KIRREL3: variants seen among roughly 807,000 people sequenced by gnomAD.
The protein encoded by KIRREL3 is kirre like nephrin family adhesion molecule 3.
KIRREL3 carries 36 observed loss-of-function variants against 89.7 expected under a neutral mutation model. The ratio of observed to expected loss-of-function variants is 0.40; its 90% confidence interval spans 0.31 to 0.53. The LOEUF is 0.53. KIRREL3 is among the 20% of genes least tolerant of loss of function. The pLI, the probability that KIRREL3 is intolerant of heterozygous loss-of-function variation, is 0.49. For synonymous variants in KIRREL3, 445 were observed against 441.4 expected (o/e 1.01, Z -0.10); for missense variants, 864 against 1,056.6 (o/e 0.82, Z 2.53).
rs1164128247 is a variant in KIRREL3 at position 126,544,160 on chromosome 11, C to A, written c.134-17473G>T. On this transcript the variant is annotated intron_variant, in intron 2 of 16. Transcript: ENST00000525144. The surrounding 1 kb of genome is among the most constrained non-coding windows in gnomAD (Gnocchi z 5.6). ...GAGAGAAGAGAGCAGCTTTCAACCC[C>A]CCTCTCCTAAACGCAACGATATTTG... The A allele has an allele frequency of 3.9e-5, 6 of 152,236 alleles. No individual in the cohort carries two copies. Among genetic ancestry groups the A allele is most frequent in the African/African-American group, 1.4e-4 (6 of 41,458 alleles). The allele number at this position is 152,236 out of a possible 1,614,324, so 9.4% of individuals were successfully genotyped here. A position where few individuals can be genotyped will look rare whatever the true frequency, so the allele number is the denominator to read the frequency against.
rs1456073817 is a variant in KIRREL3, at chr11:126,582,443, C to T, written c.56-19531G>A. On this transcript the variant is annotated intron_variant, in intron 1 of 16. Coordinates refer to ENST00000525144, the MANE Select transcript of KIRREL3 (RefSeq NM_032531.4). Reference sequence around the variant, plus strand: ...GCTGCCGGAAGCAATAATCCAGACACGGTTCGGGGGTTTAGTGGAAATCCT... The same window carrying T: ...GCTGCCGGAAGCAATAATCCAGACATGGTTCGGGGGTTTAGTGGAAATCCT... Among the ~76,000 whole-genome samples the T allele has an allele frequency of 3.3e-5, 5 of 152,194 alleles. No homozygotes were observed. The South Asian group carries it at 6.2e-4, about 19-fold the overall frequency.
intron 1 of KIRREL3, among the ~76,000 whole-genome samples, chr11:126,816,206 C>T (rs1377499316): frequency 2.6e-5 from 4 of 152,198 alleles, no homozygotes; most frequent in Admixed American, 6.5e-5. Flanking sequence ...GTAATTATCA[C>T]TAGTGCTACA....
rs1941936766 is a variant in KIRREL3, at chr11:126,587,748, T to C, written c.56-24836A>G. Among the ~76,000 whole-genome samples the C allele has an allele frequency of 6.6e-6, 1 of 152,250 alleles. No homozygotes were observed. Among genetic ancestry groups the C allele is most frequent in the Non-Finnish European group, 1.5e-5 (1 of 68,042 alleles). On this transcript the variant is annotated intron_variant, in intron 1 of 16. Transcript: ENST00000525144. This position sits in a 1 kb window ranked among gnomAD's most constrained non-coding sequence, Gnocchi z 5.2. ...GAAACCGCAGTACAATATATGTGAA[T>C]GATTAGGTTGTGTAATACATTCCAG...
chr11:126,810,446 A>G (rs1951344533), intron 1 of KIRREL3, among the ~76,000 whole-genome samples: 1 of 152,150 alleles, frequency 6.6e-6, no homozygotes, highest in African/African-American at 2.4e-5. Context: ...CTTTAAAAAT[A>G]TTTTATGTAA....
At chr11:126,713,638 T>G (rs1947846378) in intron 1 of KIRREL3, among the ~76,000 whole-genome samples, 1 of 152,182 alleles carries the variant, frequency 6.6e-6, no homozygotes, top group African/African-American at 2.4e-5. Context: ...GTGTACATTC[T>G]GCAGAGGGCG....
chr11:126,451,908 G>T (rs540461395), intron 7 of KIRREL3, among the ~76,000 whole-genome samples: 3 of 152,224 alleles, frequency 2.0e-5, no homozygotes, highest in African/African-American at 7.2e-5. Context: ...GAGGCTTGTT[G>T]CCTCCAGAAG....
chr11:126,888,091 G>A (rs1006357830), intron 1 of KIRREL3, among the ~76,000 whole-genome samples: 7 of 152,226 alleles, frequency 4.6e-5, no homozygotes, highest in Non-Finnish European at 1.5e-5. Flanking sequence ...AAAAACTACT[G>A]TGTGAGAGTA....
chr11:126,686,942 C>T lies in KIRREL3; in HGVS notation c.56-124030G>A, dbSNP rs1284895279. Among the ~76,000 whole-genome samples, 1 of 152,138 alleles carries T rather than the reference C, an allele frequency of 6.6e-6. No individual in the cohort carries two copies. Among genetic ancestry groups the T allele is most frequent in the African/African-American group, 2.4e-5 (1 of 41,422 alleles). ...GATGATAAGAGGGGAAGGAAGGTCACATTGAGAAGAGTCAAATTCAGAAGG... is the reference window on the plus strand; with the variant it reads ...GATGATAAGAGGGGAAGGAAGGTCATATTGAGAAGAGTCAAATTCAGAAGG... On this transcript the variant is annotated intron_variant, in intron 1 of 16. Coordinates refer to ENST00000525144, the MANE Select transcript of KIRREL3 (RefSeq NM_032531.4). This position sits in a 1 kb window ranked among gnomAD's most constrained non-coding sequence, Gnocchi z 4.7.
At chr11:126,588,726 G>A (rs1941993349) in intron 1 of KIRREL3, among the ~76,000 whole-genome samples, 1 of 152,214 alleles carries the variant, frequency 6.6e-6, no homozygotes, top group Non-Finnish European at 1.5e-5. Context: ...AGGCCTACAA[G>A]GGCAGGGAGC....
intron 1 of KIRREL3, among the ~76,000 whole-genome samples, chr11:126,911,704 C>G (rs2081457040): frequency 6.6e-6 from 1 of 152,186 alleles, no homozygotes; most frequent in African/African-American, 2.4e-5. Context: ...AGAACGGCAT[C>G]CGGGCACGGT....
At position 126,734,332 on chromosome 11, in the gene KIRREL3, T is replaced by C. The variant is rs1948732207; in HGVS notation, c.56-171420A>G. On this transcript the variant is annotated intron_variant, in intron 1 of 16. Transcript: ENST00000525144. The surrounding 1 kb of genome is among the most constrained non-coding windows in gnomAD (Gnocchi z 5.9). ...ACTGTGTTCATGATCTGCTTCAAGA[T>C]TTCCCCCTCTGTTTTTTCAGTGATC... Among the ~76,000 whole-genome samples, 1 of 152,172 alleles carries C rather than the reference T, an allele frequency of 6.6e-6. No individual in the cohort carries two copies. Among genetic ancestry groups the C allele is most frequent in the East Asian group, 1.9e-4 (1 of 5,188 alleles).
rs1394182001 is a variant in KIRREL3 at position 126,521,360 on chromosome 11, T to C, written c.388A>G (p.Ile130Val). ...GGGCGGGAGCGGATGGCGGCCTGGA[T>C]GGCCTGGCACTCGTACACCGCATCG... is the stretch of plus-strand genomic sequence containing the variant. ...QDDAVYECQAIQAAIRSRPAR... is the reference protein window; with the variant it reads ...QDDAVYECQAVQAAIRSRPAR... Residue 130 changes from isoleucine (I) to valine (V), a missense_variant, in exon 4 of 17, where the codon ATC (isoleucine) becomes GTC (valine). Coordinates refer to ENST00000525144, the MANE Select transcript of KIRREL3 (RefSeq NM_032531.4). This position sits in a 1 kb window ranked among gnomAD's most constrained non-coding sequence, Gnocchi z 4.1. The C allele has an allele frequency of 6.4e-7, 1 of 1,556,324 alleles. No individual in the cohort carries two copies. Among genetic ancestry groups the C allele is most frequent in the Non-Finnish European group, 8.7e-7 (1 of 1,149,932 alleles).
chr11:126,621,588 C>T (rs187389941), intron 1 of KIRREL3, among the ~76,000 whole-genome samples: 1 of 152,158 alleles, frequency 6.6e-6, no homozygotes, highest in East Asian at 1.9e-4. Flanking sequence ...CTTAGATACA[C>T]TCTTTATAAG....
Position 126,884,490 on chromosome 11 carries a change from G to A in KIRREL3, c.55+115965C>T, listed in dbSNP as rs116807001. Among the ~76,000 whole-genome samples the A allele has an allele frequency of 5.5e-3, 838 of 152,316 alleles. 10 individuals are homozygous for A. The highest frequency in any genetic ancestry group is 0.019 in the African/African-American group (800 of 41,580). ...AATTGCAAATCTACAAAGCGTGACC[G>A]CCAGGATGAGGGGCTATCCCTGGGA... is the stretch of plus-strand genomic sequence containing the variant. On this transcript the variant is annotated intron_variant, in intron 1 of 16. Transcript: ENST00000525144.
chr11:126,556,818 C>A (rs1427032649), intron 2 of KIRREL3, among the ~76,000 whole-genome samples: 1 of 151,926 alleles, frequency 6.6e-6, no homozygotes, highest in Non-Finnish European at 1.5e-5. Flanking sequence ...AGACACTGAG[C>A]GAAATAAATA....
intron 1 of KIRREL3, among the ~76,000 whole-genome samples, chr11:126,720,936 C>G (rs1948147241): frequency 6.6e-6 from 1 of 152,066 alleles, no homozygotes; most frequent in South Asian, 2.1e-4. Context: ...AGGGAACAAT[C>G]TGGGAGAAAG....
At position 126,890,433 on chromosome 11, in the gene KIRREL3, A is replaced by G. The variant is rs907292877; in HGVS notation, c.55+110022T>C. Among the ~76,000 whole-genome samples the G allele has an allele frequency of 2.6e-5, 4 of 152,048 alleles. No individual in the cohort carries two copies. Among genetic ancestry groups the G allele is most frequent in the African/African-American group, 9.7e-5 (4 of 41,390 alleles). ...ACCTATTATCCAGCAACTCCCATCT[A>G]TTTCTGAAAACTCCACGTGCTGGTC... On this transcript the variant is annotated intron_variant, in intron 1 of 16. Transcript: ENST00000525144. The surrounding 1 kb of genome is among the most constrained non-coding windows in gnomAD (Gnocchi z 5.1).
At chr11:126,625,637 T>C (rs1344839869) in intron 1 of KIRREL3, among the ~76,000 whole-genome samples, 2 of 152,206 alleles carry the variant, frequency 1.3e-5, no homozygotes, top group South Asian at 2.1e-4. Context: ...TGTGATGTCC[T>C]GCCCCTCCTG....
chr11:126,619,301 T>C (rs1394134335), intron 1 of KIRREL3, among the ~76,000 whole-genome samples: 1 of 152,110 alleles, frequency 6.6e-6, no homozygotes, highest in Non-Finnish European at 1.5e-5. Context: ...GTAAGCCCAA[T>C]AGCCTGGAGA....
Sources: allele counts gnomAD v4.1 joint callset (sites outside exome capture counted in the v4.1 genomes callset), GRCh38; gene constraint gnomAD v4.1.1; non-coding constraint Gnocchi (gnomAD v3.1); transcripts MANE v1.5; gene names NCBI Gene and HGNC (gene_info 2026-07-23, HGNC 2026-07-21).